The following TRIM23 variants were observed in gnomAD, a reference collection of about 807,000 sequenced individuals.
The protein encoded by TRIM23 is tripartite motif containing 23, also known as E3 ubiquitin-protein ligase TRIM23.
In TRIM23, 27 loss-of-function variants were observed where a neutral mutation model predicts 71.0. The observed-to-expected ratio is 0.38, with a 90% confidence interval of 0.28 to 0.52. The LOEUF is 0.52. Ranked by LOEUF, TRIM23 falls within the 20% of genes least tolerant of loss-of-function variation. The pLI is 0.84. For synonymous variants in TRIM23, 234 were observed against 238.0 expected (o/e 0.98, Z 0.16); for missense variants, 482 against 692.3 (o/e 0.70, Z 3.41).
chr5:65,596,942 G>A, intron 8 of TRIM23, 109 bp downstream of exon 8: 1 of 1,369,204 alleles, frequency 7.3e-7, no homozygotes, highest in South Asian at 1.5e-5. Context: ...ATATCTTAGA[G>A]CCAGAAAAGA....
chr5:65,620,209 C>T (rs1322155549), intron 1 of TRIM23, among the ~76,000 whole-genome samples: 3 of 152,168 alleles, frequency 2.0e-5, no homozygotes, highest in African/African-American at 7.2e-5. Context: ...TCATACATTA[C>T]TAATTGCTAT....
intron 1 of TRIM23, 133 bp downstream of exon 1, chr5:65,624,061 T>C: frequency 1.0e-6 from 1 of 990,320 alleles, no homozygotes. Context: ...AGGACGAGAC[T>C]TGTAATGCCA....
intron 1 of TRIM23, among the ~76,000 whole-genome samples, chr5:65,620,503 C>T (rs1754902464): frequency 6.6e-6 from 1 of 152,050 alleles, no homozygotes; most frequent in South Asian, 2.1e-4. Context: ...CATATATACA[C>T]AGAATGATTT....
chr5:65,616,549 G>A (rs761625882), intron 2 of TRIM23, among the ~76,000 whole-genome samples: 16 of 149,916 alleles, frequency 1.1e-4, no homozygotes, highest in Non-Finnish European at 1.5e-4. Flanking sequence ...GGCTGAGGCA[G>A]GAGAATCGCT....
chr5:65,595,547 G>C (rs1259666664), intron 9 of TRIM23, among the ~76,000 whole-genome samples: 2 of 118,140 alleles, frequency 1.7e-5, no homozygotes, highest in Non-Finnish European at 3.3e-5. Flanking sequence ...GACAGAGCAA[G>C]ACTCGATCTC....
chr5:65,591,645 T>TA lies in TRIM23; in HGVS notation c.*123_*124insT. On this transcript the variant is annotated 3_prime_UTR_variant, in exon 11 of 11. Transcript: ENST00000231524. Reference sequence around the variant, plus strand: ...ACTGAATTCCCAATCCAAGATTCCTTTATATATATATATATATATATGCAT... The same window carrying TA: ...ACTGAATTCCCAATCCAAGATTCCTTATATATATATATATATATATATGCAT... 1.4e-6 allele frequency: 1 copy of TA among 714,506 alleles called. No individual in the cohort carries two copies. The highest frequency in any genetic ancestry group is 1.9e-6 in the Non-Finnish European group (1 of 534,386). 44.3% of individuals were successfully genotyped at this position (714,506 alleles called of 1,614,324 possible). A position where few individuals can be genotyped will look rare whatever the true frequency, so the allele number is the denominator to read the frequency against.
At chr5:65,606,838 C>T (rs1754520972) in intron 6 of TRIM23, 1 of 152,186 alleles carries the variant, frequency 6.6e-6, no homozygotes, top group African/African-American at 2.4e-5. Flanking sequence ...TTTTGATTAG[C>T]TCTCAGAACT....
chr5:65,605,555 G>A (rs1380022719), intron 6 of TRIM23, among the ~76,000 whole-genome samples: 1 of 152,002 alleles, frequency 6.6e-6, no homozygotes, highest in Non-Finnish European at 1.5e-5. Context: ...TCAGCCAACT[G>A]AATACTTATG....
At chr5:65,621,078 T>C (rs1581193766) in intron 1 of TRIM23, among the ~76,000 whole-genome samples, 1 of 150,924 alleles carries the variant, frequency 6.6e-6, no homozygotes, top group Non-Finnish European at 1.5e-5. Flanking sequence ...ATAGGCTGGG[T>C]GCGGTGGCTC....
intron 7 of TRIM23, among the ~76,000 whole-genome samples, chr5:65,600,307 A>C (rs568795458): frequency 6.6e-6 from 1 of 152,336 alleles, no homozygotes; most frequent in African/African-American, 2.4e-5. Flanking sequence ...TGGTACTGGC[A>C]TAAAGATGAG....
rs1754016964 is a variant in TRIM23 at position 65,591,316 on chromosome 5, C to A, written c.*453G>T. On this transcript the variant is annotated 3_prime_UTR_variant, in exon 11 of 11. Transcript: ENST00000231524. The stretch of plus-strand genomic sequence containing the variant: ...CATTAAGCAACTGTCATTTCTACTA[C>A]TAAATGCTGCCAACATTCAGTGAAA... The A allele has an allele frequency of 2.1e-6, 3 of 1,412,232 alleles. No homozygotes were observed. The African/African-American group carries it at 4.6e-5, about 21-fold the overall frequency. 87.5% of individuals were successfully genotyped at this position (1,412,232 alleles called of 1,614,324 possible).
At chr5:65,620,461 CTATA>C (rs911140279) in intron 1 of TRIM23, among the ~76,000 whole-genome samples, 1 of 151,974 alleles carries the variant, frequency 6.6e-6, no homozygotes, top group African/African-American at 2.4e-5. Context: ...TACTATAAAA[CTATA>C]TAGGATAGTG....
At chr5:65,609,527 A>G in intron 5 of TRIM23, 69 bp from the exon 6 acceptor site, 1 of 1,475,326 alleles carries the variant, frequency 6.8e-7, no homozygotes, top group Non-Finnish European at 9.2e-7. Context: ...AAATATTTAA[A>G]ATTTCAGCCT....
intron 2 of TRIM23, among the ~76,000 whole-genome samples, chr5:65,616,642 A>T (rs1370268246): frequency 3.8e-5 from 1 of 26,062 alleles, no homozygotes. Flanking sequence ...ACTCTGCTTT[A>T]AAAAAAAAAA....
rs1754657572 is a variant in TRIM23, at chr5:65,611,811, A to C, written c.437T>G (p.Leu146Trp). 1 of 1,614,220 alleles carries C rather than the reference A, an allele frequency of 6.2e-7. No homozygotes were observed. Among genetic ancestry groups the C allele is most frequent in the Non-Finnish European group, 8.5e-7 (1 of 1,180,022 alleles). ...AGTAACTTGAGAACACTCAGAGCACAAATGAGTTGCACACACAGTGCAATA... is the reference window on the plus strand; with the variant it reads ...AGTAACTTGAGAACACTCAGAGCACCAATGAGTTGCACACACAGTGCAATA... Reference protein sequence around the residue: ...SVYCTVCATHLCSECSQVTHS... With the variant: ...SVYCTVCATHWCSECSQVTHS... The change falls in exon 4 of 11, where the codon TTG becomes TGG. Residue 146 changes from leucine to tryptophan, a missense_variant. Transcript: ENST00000231524.
chr5:65,592,518 C>CGCCTGGCCT (rs1302329649), intron 10 of TRIM23, among the ~76,000 whole-genome samples: 1 of 151,930 alleles, frequency 6.6e-6, no homozygotes, highest in African/African-American at 2.4e-5. Flanking sequence ...TGAGCCACCA[C>CGCCTGGCCT]GCCTGGCCTG....
chr5:65,623,568 T>C (rs1014728051), intron 1 of TRIM23, among the ~76,000 whole-genome samples: 2 of 152,210 alleles, frequency 1.3e-5, no homozygotes, highest in African/African-American at 4.8e-5. Context: ...AGAAAATTCA[T>C]AAACTCTATC....
At chr5:65,618,540 G>C (rs914028196) in intron 1 of TRIM23, among the ~76,000 whole-genome samples, 10 of 152,166 alleles carry the variant, frequency 6.6e-5, no homozygotes, top group Non-Finnish European at 1.3e-4. Context: ...TATGATTTCA[G>C]TCATTACATC....
chr5:65,618,821 T>A (rs1006146351), intron 1 of TRIM23, among the ~76,000 whole-genome samples: 1 of 152,190 alleles, frequency 6.6e-6, no homozygotes, highest in Admixed American at 6.5e-5. Context: ...TAAATTTCAA[T>A]TCCTGTTCTC....
Sources: gnomAD v4.1 joint callset for allele counts (sites outside exome capture counted in the v4.1 genomes callset) on GRCh38, gnomAD v4.1.1 for gene constraint, MANE v1.5 for transcripts, NCBI Gene and HGNC (gene_info 2026-07-23, HGNC 2026-07-21) for gene names.